PXDN: variants seen among roughly 807,000 people sequenced by gnomAD.
The protein encoded by PXDN is peroxidasin homolog.
In PXDN, 77 loss-of-function variants were observed where a neutral mutation model predicts 140.3. That is an observed-to-expected ratio of 0.55 (90% CI 0.46 to 0.66). The LOEUF is 0.66. Among genes scored for constraint, PXDN ranks in the 30% least tolerant of loss-of-function variants. The pLI, the probability that PXDN is intolerant of heterozygous loss-of-function variation, is 0.00. For synonymous variants in PXDN, 911 were observed against 857.4 expected, an observed-to-expected ratio of 1.06 and a Z score of -1.09; for missense variants, 1,838 against 2,039.5, an observed-to-expected ratio of 0.90 and a Z score of 1.90.
chr2:1,727,015 G>A (rs950944744), intron 1 of PXDN, among the ~76,000 whole-genome samples: 1 of 152,118 alleles, frequency 6.6e-6, no homozygotes, highest in African/African-American at 2.4e-5. Context: ...GTCTCAAAAG[G>A]GAAAATCAGA....
At chr2:1,703,199 A>AGG (rs1268230062) in intron 1 of PXDN, among the ~76,000 whole-genome samples, 1 of 37,960 alleles carries the variant, frequency 2.6e-5, no homozygotes, top group African/African-American at 1.4e-4. Flanking sequence ...CTCCAGGTGA[A>AGG]AGAGGGACAA....
chr2:1,711,462 A>C (rs1684776273), intron 1 of PXDN, among the ~76,000 whole-genome samples: 1 of 60,262 alleles, frequency 1.7e-5, no homozygotes, highest in African/African-American at 6.8e-5. Context: ...CCCACTCTCC[A>C]CCAGCACCCG....
chr2:1,695,982 T>C (rs1287319862), intron 1 of PXDN, among the ~76,000 whole-genome samples: 1 of 150,996 alleles, frequency 6.6e-6, no homozygotes, highest in Non-Finnish European at 1.5e-5. Flanking sequence ...CCTAGAGTGA[T>C]GGACAGAGAG....
Position 1,744,327 on chromosome 2 carries a change from G to C in PXDN, c.129C>G (p.Phe43Leu), listed in dbSNP as rs1685638330. The C allele has an allele frequency of 1.3e-6, 2 of 1,528,682 alleles. No homozygotes were observed. Among genetic ancestry groups the C allele is most frequent in the Non-Finnish European group, 1.7e-6 (2 of 1,144,124 alleles). The allele number at this position is 1,528,682 out of a possible 1,614,324, so 94.7% of individuals were successfully genotyped here. A position where few individuals can be genotyped will look rare whatever the true frequency, so the allele number is the denominator to read the frequency against. The change falls in exon 1 of 23, where the codon TTC becomes TTG. Residue 43 changes from phenylalanine to leucine, a missense_variant. This residue lies in a region of PXDN where 231 missense variants were observed against 201.5 expected (regional missense o/e 1.15). Coordinates refer to ENST00000252804, the MANE Select transcript of PXDN (RefSeq NM_012293.3). ...GATGCATGCAGCGCACGGTGGTGCG[G>C]AAGCACAGGCAGCGGCTCGGACACC... ...GAGCPSRCLC[F>L]RTTVRCMHLL...
At chr2:1,689,447 G>C (rs998579270) in intron 3 of PXDN, among the ~76,000 whole-genome samples, 1 of 152,218 alleles carries the variant, frequency 6.6e-6, no homozygotes, top group Non-Finnish European at 1.5e-5. Context: ...GTGTGAATGT[G>C]TGTTTATAAA....
rs773398359 is a variant in PXDN at position 1,648,542 on chromosome 2, G to A, written c.3238C>T (p.Leu1080=). ...FRFGHTLVNP[L]LYRLDENFQP... is the part of the protein sequence containing the mutation. ...AAGTTCTCGTCCAGCCGGTAAAGCA[G>A]TGGGTTGACAAGCGTGTGGCCAAAC... The change falls in exon 17 of 23, where the codon CTG becomes TTG. Residue 1080 remains leucine (L), a synonymous_variant. Coordinates refer to ENST00000252804, the MANE Select transcript of PXDN (RefSeq NM_012293.3). The surrounding 1 kb of genome is among the most constrained non-coding windows in gnomAD (Gnocchi z 8.9). 2.5e-6 allele frequency: 4 copies of A among 1,613,606 alleles called. No homozygotes were observed. Among genetic ancestry groups the A allele is most frequent in the East Asian group, 4.5e-5 (2 of 44,888 alleles).
Position 1,648,589 on chromosome 2 carries a change from G to A in PXDN, c.3191C>T (p.Ala1064Val). The change falls in exon 17 of 23, where the codon GCC becomes GTC. Residue 1064 changes from alanine to valine, a missense_variant. By Grantham distance (64) the Ala-to-Val change is moderately conservative. This residue lies in a region of PXDN where 850 missense variants were observed against 894.1 expected (regional missense o/e 0.95). Transcript: ENST00000252804. The surrounding 1 kb of genome is among the most constrained non-coding windows in gnomAD (Gnocchi z 8.9). ...DPGINAGIFN[A>V]FATAAFRFGH... is the part of the protein sequence containing the mutation. ...AAACCTGAAGGCCGCGGTGGCGAAG[G>A]CGTTGAAGATGCCAGCATTGATGCC... is the stretch of plus-strand genomic sequence containing the variant. 6.2e-7 allele frequency: 1 copy of A among 1,612,136 alleles called. No homozygotes were observed. The highest frequency in any genetic ancestry group is 8.5e-7 in the Non-Finnish European group (1 of 1,179,408).
chr2:1,743,029 T>C (rs1046583794), intron 1 of PXDN, among the ~76,000 whole-genome samples: 10 of 152,246 alleles, frequency 6.6e-5, no homozygotes, highest in Admixed American at 3.9e-4. Flanking sequence ...ATTTTTGGCA[T>C]GCAGAAAAGT....
rs1246058935 is a variant in PXDN, at chr2:1,632,625, A to AGGGTCT, written c.*1573_*1578dup. 6.6e-6 allele frequency: 1 copy of AGGGTCT among 152,224 alleles called. No homozygotes were observed. Among genetic ancestry groups the AGGGTCT allele is most frequent in the African/African-American group, 2.4e-5 (1 of 41,460 alleles). 9.4% of individuals were successfully genotyped at this position (152,224 alleles called of 1,614,324 possible). A position where few individuals can be genotyped will look rare whatever the true frequency, so the allele number is the denominator to read the frequency against. ...AGCAACTTGGCCGGCCCGTGCTGGAAGGGTCTGGGTGTCTCCTTGGGAGGA... is the reference window on the plus strand; with the variant it reads ...AGCAACTTGGCCGGCCCGTGCTGGAAGGGTCTGGGTCTGGGTGTCTCCTTGGGAGGA... On this transcript the variant is annotated 3_prime_UTR_variant, in exon 23 of 23. Coordinates refer to ENST00000252804, the MANE Select transcript of PXDN (RefSeq NM_012293.3). The surrounding 1 kb of genome is among the most constrained non-coding windows in gnomAD (Gnocchi z 4.3).
chr2:1,727,479 CTT>C (rs1243427352), intron 1 of PXDN, among the ~76,000 whole-genome samples: 1 of 152,228 alleles, frequency 6.6e-6, no homozygotes, highest in East Asian at 1.9e-4. Flanking sequence ...GAAGCCGAGG[CTT>C]CAAGGGGTGC....
At chr2:1,699,240 G>C (rs920716339) in intron 1 of PXDN, among the ~76,000 whole-genome samples, 13 of 152,228 alleles carry the variant, frequency 8.5e-5, no homozygotes, top group Middle Eastern at 3.4e-3. Context: ...CAGACCACTT[G>C]GTAATGCTTA....
At chr2:1,730,995 C>T (rs529190323) in intron 1 of PXDN, among the ~76,000 whole-genome samples, 1 of 152,168 alleles carries the variant, frequency 6.6e-6, no homozygotes, top group Non-Finnish European at 1.5e-5. Context: ...TGCTACAGCC[C>T]ACATTAGAAG....
At chr2:1,656,068 A>C (rs1446459640) in intron 14 of PXDN, among the ~76,000 whole-genome samples, 1 of 151,284 alleles carries the variant, frequency 6.6e-6, no homozygotes, top group East Asian at 2.0e-4. Flanking sequence ...CATACTCATC[A>C]CACTATAAAC....
rs765861562 is a variant in PXDN at position 1,654,500 on chromosome 2, C to T, written c.1846G>A (p.Val616Ile). 9.9e-6 allele frequency: 16 copies of T among 1,611,322 alleles called. No individual in the cohort carries two copies. The highest frequency in any genetic ancestry group is 3.3e-5 in the South Asian group (3 of 90,928). ...SMVLSVNVPDVSRNGDPFVAT... is the reference protein window; with the variant it reads ...SMVLSVNVPDISRNGDPFVAT... ...ACAAACGGATCTCCATTTCGACTGA[C>T]GTCAGGAACTAGGAAAATACAAAGT... The change falls in exon 15 of 23, where the codon GTC becomes ATC. Residue 616 changes from valine (V) to isoleucine (I), a missense_variant. By Grantham distance (29) the Val-to-Ile change is conservative (BLOSUM62 3). Coordinates refer to ENST00000252804, the MANE Select transcript of PXDN (RefSeq NM_012293.3).
chr2:1,648,139 C>A lies in PXDN; in HGVS notation c.3608+33G>T. 6.3e-7 allele frequency: 1 copy of A among 1,593,964 alleles called. No homozygotes were observed. The highest frequency in any genetic ancestry group is 8.6e-7 in the Non-Finnish European group (1 of 1,167,490). On this transcript the variant is annotated intron_variant, in intron 17 of 22. Coordinates refer to ENST00000252804, the MANE Select transcript of PXDN (RefSeq NM_012293.3). This position sits in a 1 kb window ranked among gnomAD's most constrained non-coding sequence, Gnocchi z 8.9. ...TTCAGGTGTTCCAGGTGCCTAGGTACACGAGCCATCCCACACAGCCTCTTC... is the reference window on the plus strand; with the variant it reads ...TTCAGGTGTTCCAGGTGCCTAGGTAAACGAGCCATCCCACACAGCCTCTTC...
In PXDN at chr2:1,632,493, A is replaced by G. The variant is rs1682435481; in HGVS notation, c.*1711T>C. 1 of 152,258 alleles carries G rather than the reference A, an allele frequency of 6.6e-6. No homozygotes were observed. The highest frequency in any genetic ancestry group is 6.5e-5 in the Admixed American group (1 of 15,288). 9.4% of individuals were successfully genotyped at this position (152,258 alleles called of 1,614,324 possible). ...TGTCATGAAACACCAACCAATTTTTATCAATCACTTACCAATATGAGGTTA... is the reference window on the plus strand; with the variant it reads ...TGTCATGAAACACCAACCAATTTTTGTCAATCACTTACCAATATGAGGTTA... On this transcript the variant is annotated 3_prime_UTR_variant, in exon 23 of 23. Transcript: ENST00000252804. This position sits in a 1 kb window ranked among gnomAD's most constrained non-coding sequence, Gnocchi z 4.3.
intron 11 of PXDN, chr2:1,664,715 C>T (rs528125581): frequency 6.9e-5 from 33 of 480,732 alleles, no homozygotes; most frequent in Admixed American, 2.4e-4. Context: ...AAGTCTCTTC[C>T]GCAATGACAG....
At chr2:1,699,571 G>A (rs939219366) in intron 1 of PXDN, among the ~76,000 whole-genome samples, 5 of 152,080 alleles carry the variant, frequency 3.3e-5, no homozygotes, top group Non-Finnish European at 4.4e-5. Context: ...TTAGCTGGGC[G>A]TGGTGGTGGG....
At chr2:1,692,066 C>T in intron 2 of PXDN, 67 bp from the exon 3 acceptor site, 1 of 1,157,614 alleles carries the variant, frequency 8.6e-7, no homozygotes. Context: ...TGTGTTAAAA[C>T]ATTCCGACAG....
Sources: gnomAD v4.1 joint callset for allele counts (sites outside exome capture counted in the v4.1 genomes callset) on GRCh38, gnomAD v4.1.1 for gene constraint, gnomAD v4.1.1 regional missense constraint, Gnocchi (gnomAD v3.1) non-coding constraint, MANE v1.5 for transcripts, NCBI Gene and HGNC (gene_info 2026-07-23, HGNC 2026-07-21) for gene names.